Variants in DLG2 observed in about 807,000 individuals in gnomAD.
The protein encoded by DLG2 is discs large MAGUK scaffold protein 2.
A neutral mutation model predicts 132.5 loss-of-function variants in DLG2; 45 were observed. The ratio of observed to expected loss-of-function variants is 0.34; its 90% CI spans 0.27 to 0.44. The LOEUF is 0.44. DLG2 is among the 20% of genes least tolerant of loss of function. The pLI is 1.00. For missense variants in DLG2, 1,045 were observed against 1,196.9 expected (o/e 0.87, Z 1.87); for synonymous variants, 424 against 419.6 (o/e 1.01, Z -0.13).
intron 18 of DLG2, among the ~76,000 whole-genome samples, chr11:83,724,652 C>T (rs889760083): frequency 6.6e-6 from 1 of 151,984 alleles, no homozygotes; most frequent in African/African-American, 2.4e-5. Flanking sequence ...GTTGTTCTCA[C>T]AGAACACAGA....
chr11:84,945,337 G>C (rs2050062249), intron 6 of DLG2, among the ~76,000 whole-genome samples: 1 of 152,206 alleles, frequency 6.6e-6, no homozygotes. Flanking sequence ...TGGTGTTCTT[G>C]AGTGAGATCC....
chr11:84,132,217 C>T (rs1205268170), intron 9 of DLG2, among the ~76,000 whole-genome samples: 1 of 151,810 alleles, frequency 6.6e-6, no homozygotes, highest in Non-Finnish European at 1.5e-5. Context: ...TTAGTATATG[C>T]CCAGCCTATT....
chr11:83,800,079 G>A (rs1049330273), intron 17 of DLG2, among the ~76,000 whole-genome samples: 2 of 152,176 alleles, frequency 1.3e-5, no homozygotes, highest in African/African-American at 4.8e-5. Flanking sequence ...CGTACACAAA[G>A]AGGATGACTT....
At chr11:84,540,417 A>AT (rs1480198332) in intron 6 of DLG2, among the ~76,000 whole-genome samples, 1 of 152,144 alleles carries the variant, frequency 6.6e-6, no homozygotes, top group Non-Finnish European at 1.5e-5. Flanking sequence ...GAAGACATTT[A>AT]TGCAGCCAAC....
chr11:84,353,222 C>T (rs1305906538), intron 7 of DLG2, among the ~76,000 whole-genome samples: 1 of 152,150 alleles, frequency 6.6e-6, no homozygotes, highest in Non-Finnish European at 1.5e-5. Flanking sequence ...AAGATATCTA[C>T]AATACCTAAA....
chr11:84,603,207 T>C (rs560846559), intron 6 of DLG2, among the ~76,000 whole-genome samples: 1 of 152,014 alleles, frequency 6.6e-6, no homozygotes, highest in South Asian at 2.1e-4. Flanking sequence ...CTCGTTTATG[T>C]AACTGTCTCT....
intron 9 of DLG2, among the ~76,000 whole-genome samples, chr11:84,151,177 G>T: frequency 6.6e-6 from 1 of 151,544 alleles, no homozygotes; most frequent in Non-Finnish European, 1.5e-5. Context: ...CAGTTTCAGT[G>T]AAACTGGTTT....
chr11:84,783,520 A>G (rs2072215540), intron 6 of DLG2, among the ~76,000 whole-genome samples: 1 of 152,160 alleles, frequency 6.6e-6, no homozygotes, highest in African/African-American at 2.4e-5. Flanking sequence ...TCAGAGCTCC[A>G]AAGTTTGTGA....
intron 6 of DLG2, among the ~76,000 whole-genome samples, chr11:84,647,077 A>G (rs1475666580): frequency 6.6e-6 from 1 of 152,106 alleles, no homozygotes; most frequent in African/African-American, 2.4e-5. Context: ...TACATAATAT[A>G]TTATCTAAAT....
intron 8 of DLG2, among the ~76,000 whole-genome samples, chr11:84,221,523 A>G (rs2096916366): frequency 6.6e-6 from 1 of 152,148 alleles, no homozygotes; most frequent in South Asian, 2.1e-4. Flanking sequence ...ATCTATGTAA[A>G]GTGCTAAGTA....
At chr11:85,260,930 C>T (rs2076906575) in intron 4 of DLG2, among the ~76,000 whole-genome samples, 1 of 152,120 alleles carries the variant, frequency 6.6e-6, no homozygotes, top group Non-Finnish European at 1.5e-5. Context: ...GGGTGGGGAA[C>T]TAGGAGGTTA....
At chr11:83,831,487 G>C (rs1281650383) in intron 17 of DLG2, among the ~76,000 whole-genome samples, 1 of 151,956 alleles carries the variant, frequency 6.6e-6, no homozygotes, top group Non-Finnish European at 1.5e-5. Context: ...TCAACTGACT[G>C]TATGATGTTA....
chr11:85,228,821 A>G (rs2075126588), intron 4 of DLG2, among the ~76,000 whole-genome samples: 1 of 151,362 alleles, frequency 6.6e-6, no homozygotes, highest in Non-Finnish European at 1.5e-5. Flanking sequence ...TCCTATTTTT[A>G]TTAATGTAAT....
rs533494829 is a variant in DLG2, at chr11:85,499,618, C to G, written c.40+99039G>C. On this transcript the variant is annotated intron_variant, in intron 3 of 27. Coordinates refer to ENST00000376104, the MANE Select transcript of DLG2 (RefSeq NM_001142699.3). Reference sequence around the variant, plus strand: ...CATGAGGCCAGCATCATCCTGATACCAAAGCCTGGCAGAGACACAACAAAA... The same window carrying G: ...CATGAGGCCAGCATCATCCTGATACGAAAGCCTGGCAGAGACACAACAAAA... Among the ~76,000 whole-genome samples the G allele has an allele frequency of 4.6e-5, 7 of 152,244 alleles. No individual in the cohort carries two copies. The South Asian group carries it at 1.5e-3, about 32-fold the overall frequency.
intron 18 of DLG2, among the ~76,000 whole-genome samples, chr11:83,639,000 C>T (rs1173779822): frequency 6.6e-6 from 1 of 152,178 alleles, no homozygotes; most frequent in African/African-American, 2.4e-5. Flanking sequence ...GCAAATCTAC[C>T]ATTCACACAG....
At chr11:85,325,151 C>T (rs1446776226) in intron 3 of DLG2, among the ~76,000 whole-genome samples, 5 of 139,782 alleles carry the variant, frequency 3.6e-5, no homozygotes, top group Non-Finnish European at 7.8e-5. Flanking sequence ...ATTGCTAGCA[C>T]AGCAGTCTGA....
At chr11:84,506,076 G>GTTTTTTTTTTTTTTTTTTT (rs559086542) in intron 7 of DLG2, among the ~76,000 whole-genome samples, 6 of 91,408 alleles carry the variant, frequency 6.6e-5, no homozygotes, top group African/African-American at 2.0e-4. Context: ...CAGAGGCTCA[G>GTTTTTTTTTTTTTTTTTTT]TTCTTTTTTT....
At chr11:84,862,325 T>A (rs1404529138) in intron 6 of DLG2, among the ~76,000 whole-genome samples, 1 of 152,138 alleles carries the variant, frequency 6.6e-6, no homozygotes, top group Non-Finnish European at 1.5e-5. Flanking sequence ...AAACAACAGA[T>A]GCTGGAGAGG....
intron 5 of DLG2, among the ~76,000 whole-genome samples, chr11:85,152,993 C>G (rs1347333637): frequency 6.6e-6 from 1 of 152,168 alleles, no homozygotes; most frequent in Non-Finnish European, 1.5e-5. Context: ...TTCCTGAAGG[C>G]ATTTAGTGCT....
Sources: allele counts gnomAD v4.1 joint callset (sites outside exome capture counted in the v4.1 genomes callset), GRCh38; gene constraint gnomAD v4.1.1; transcripts MANE v1.5; gene names NCBI Gene and HGNC (gene_info 2026-07-23, HGNC 2026-07-21).